The following SGCD variants were observed in gnomAD, a reference collection of about 807,000 sequenced individuals.
The protein encoded by SGCD is delta-sarcoglycan.
SGCD carries 18 observed loss-of-function variants against 36.6 expected under a neutral mutation model. That is an observed-to-expected ratio of 0.49 (90% CI 0.34 to 0.73). The LOEUF is 0.73. Ranked by LOEUF, SGCD falls within the 30% of genes least tolerant of loss-of-function variation. SGCD has a pLI of 0.01. For synonymous variants in SGCD, 133 were observed against 130.6 expected (o/e 1.02, Z -0.12); for missense variants, 387 against 346.7 (o/e 1.12, Z -0.92).
rs144989445 is a variant in SGCD, at chr5:156,347,936, A to C, written c.192+3259A>C. On this transcript the variant is annotated intron_variant, in intron 3 of 8. Transcript: ENST00000337851. The stretch of plus-strand genomic sequence containing the variant: ...CCTTAAAGCTTTACCAAACTTACTG[A>C]GATAAGAATAATGCTGTTATTAGGC... Among the ~76,000 whole-genome samples the C allele has an allele frequency of 1.5e-4, 23 of 152,304 alleles. No individual in the cohort carries two copies. The East Asian group carries it at 4.2e-3, about 28-fold the overall frequency.
chr5:156,452,592 T>C (rs923951129), intron 3 of SGCD, among the ~76,000 whole-genome samples: 15 of 152,156 alleles, frequency 9.9e-5, no homozygotes, highest in Admixed American at 5.2e-4. Flanking sequence ...ACCAAGTTTT[T>C]TAGAATACAC....
At chr5:156,090,216 G>A (rs1334835665) in intron 1 of SGCD, among the ~76,000 whole-genome samples, 2 of 152,174 alleles carry the variant, frequency 1.3e-5, no homozygotes, top group Non-Finnish European at 2.9e-5. Context: ...ATTTCCTGAT[G>A]TTAGGAGCTC....
intron 3 of SGCD, among the ~76,000 whole-genome samples, chr5:156,144,770 G>A (rs1032756172): frequency 6.6e-6 from 1 of 152,066 alleles, no homozygotes; most frequent in African/African-American, 2.4e-5. Context: ...TTTTGCTGTA[G>A]CCTCATTCTT....
At chr5:155,921,893 G>A (rs780726938) in intron 1 of SGCD, among the ~76,000 whole-genome samples, 4 of 152,100 alleles carry the variant, frequency 2.6e-5, no homozygotes, top group Admixed American at 6.5e-5. Context: ...GTCATATCTC[G>A]GCTAGAGTAA....
At chr5:156,566,425 G>C (rs1388596707) in intron 4 of SGCD, among the ~76,000 whole-genome samples, 1 of 152,152 alleles carries the variant, frequency 6.6e-6, no homozygotes, top group Admixed American at 6.5e-5. Context: ...CCCTGGGTTA[G>C]AAGAAACATT....
At chr5:155,959,096 A>C (rs189733870) in intron 1 of SGCD, among the ~76,000 whole-genome samples, 1 of 152,252 alleles carries the variant, frequency 6.6e-6, no homozygotes. Flanking sequence ...TGCAAAACAC[A>C]AGTTTATTAC....
At chr5:155,957,217 G>A (rs541049103) in intron 1 of SGCD, among the ~76,000 whole-genome samples, 22 of 152,172 alleles carry the variant, frequency 1.4e-4, no homozygotes, top group African/African-American at 3.6e-4. Context: ...GGAAGTCTGC[G>A]TAGTGAAGGT....
intron 3 of SGCD, among the ~76,000 whole-genome samples, chr5:156,179,620 CT>C (rs570830321): frequency 0.045 from 6,124 of 135,364 alleles, 163 homozygotes; most frequent in African/African-American, 0.12. Flanking sequence ...AATTTTCCAA[CT>C]TTTTTTTTTT....
chr5:156,176,054 C>T (rs1389555508), intron 3 of SGCD, among the ~76,000 whole-genome samples: 2 of 151,610 alleles, frequency 1.3e-5, no homozygotes, highest in Admixed American at 6.6e-5. Flanking sequence ...AAGTTGCTTG[C>T]GATTTTCAAA....
intron 1 of SGCD, among the ~76,000 whole-genome samples, chr5:156,097,602 T>C (rs900313707): frequency 6.9e-6 from 1 of 145,518 alleles, no homozygotes; most frequent in African/African-American, 2.4e-5. Flanking sequence ...TGCTGAGATT[T>C]CCTGTTTTTT....
At chr5:156,747,710 T>C (rs1444760236) in intron 7 of SGCD, among the ~76,000 whole-genome samples, 1 of 152,060 alleles carries the variant, frequency 6.6e-6, no homozygotes, top group African/African-American at 2.4e-5. Flanking sequence ...ATCCCACTAA[T>C]TTTGCCATAT....
intron 3 of SGCD, among the ~76,000 whole-genome samples, chr5:156,241,587 C>A (rs1765309567): frequency 6.6e-6 from 1 of 152,152 alleles, no homozygotes; most frequent in South Asian, 2.1e-4. Context: ...AGAACTTTCC[C>A]AGCATTTTCT....
At chr5:155,790,697 A>G in the SGCD span, among the ~76,000 whole-genome samples, 3 of 152,122 alleles carry the variant, frequency 2.0e-5, no homozygotes, top group African/African-American at 4.8e-5. Flanking sequence ...AGGTCTATGC[A>G]TCAAGATTTA....
chr5:156,530,585 C>CT (rs1027316599), intron 4 of SGCD, among the ~76,000 whole-genome samples: 57 of 141,942 alleles, frequency 4.0e-4, no homozygotes, highest in African/African-American at 1.0e-3. Flanking sequence ...TTTTCTTTTT[C>CT]TTTTTTTTTC....
the SGCD span, among the ~76,000 whole-genome samples, chr5:155,754,249 A>G: frequency 6.6e-6 from 1 of 152,182 alleles, no homozygotes; most frequent in African/African-American, 2.4e-5. Context: ...TGTCTCCATC[A>G]TGGGCTTATT....
At position 156,767,247 on chromosome 5, in the gene SGCD, G is replaced by T. The variant is rs1757609234; in HGVS notation, c.*7857G>T. ...TGAACACAAAATTAATTTTTATCTA[G>T]TCTGTGACGGAGGGAATAAAGTTTT... On this transcript the variant is annotated 3_prime_UTR_variant, in exon 9 of 9. Coordinates refer to ENST00000337851, the MANE Select transcript of SGCD (RefSeq NM_000337.6). 6.6e-6 allele frequency: 1 copy of T among 152,072 alleles called. No individual in the cohort carries two copies. Among genetic ancestry groups the T allele is most frequent in the African/African-American group, 2.4e-5 (1 of 41,398 alleles). The allele number at this position is 152,072 out of a possible 1,614,324, so 9.4% of individuals were successfully genotyped here. A position where few individuals can be genotyped will look rare whatever the true frequency, so the allele number is the denominator to read the frequency against.
chr5:155,857,234 CT>C, the SGCD span, among the ~76,000 whole-genome samples: 1 of 152,144 alleles, frequency 6.6e-6, no homozygotes, highest in Non-Finnish European at 1.5e-5. Flanking sequence ...AAGACTCCAT[CT>C]CATAAATAAA....
At chr5:156,209,212 G>T (rs1380902970) in intron 3 of SGCD, among the ~76,000 whole-genome samples, 2 of 152,156 alleles carry the variant, frequency 1.3e-5, no homozygotes, top group Admixed American at 1.3e-4. Flanking sequence ...CAGAGGACTT[G>T]GTCTCTGTGT....
At chr5:155,779,540 T>C in the SGCD span, among the ~76,000 whole-genome samples, 2 of 152,218 alleles carry the variant, frequency 1.3e-5, no homozygotes, top group Non-Finnish European at 2.9e-5. Context: ...ATAAGTATCT[T>C]ATATTGTACT....
Sources: gnomAD v4.1 joint callset for allele counts (sites outside exome capture counted in the v4.1 genomes callset) on GRCh38, gnomAD v4.1.1 for gene constraint, MANE v1.5 for transcripts, NCBI Gene and HGNC (gene_info 2026-07-23, HGNC 2026-07-21) for gene names.